TCFL5: variants seen among roughly 807,000 people sequenced by gnomAD.
TCFL5 encodes the protein transcription factor-like 5 protein.
In TCFL5, 9 loss-of-function variants were observed where a neutral mutation model predicts 44.3. That is an observed-to-expected ratio of 0.20 (90% CI 0.12 to 0.35). The LOEUF is 0.35. Among genes scored for constraint, TCFL5 ranks in the 10% least tolerant of loss-of-function variants. The pLI is 1.00. For synonymous variants in TCFL5, 319 were observed against 271.6 expected, an observed-to-expected ratio of 1.17 and a Z score of -1.72; for missense variants, 603 against 613.4, an observed-to-expected ratio of 0.98 and a Z score of 0.18.
intron 5 of TCFL5, chr20:62,846,177 AAAG>A (rs1444922066): frequency 1.2e-5 from 13 of 1,124,478 alleles, no homozygotes; most frequent in East Asian, 1.2e-4. Flanking sequence ...ATTTAAAAAA[AAAG>A]AAGGAAGGAA....
In TCFL5 at chr20:62,861,079, G is replaced by C. The variant is rs2063994904; in HGVS notation, c.592C>G (p.Pro198Ala). 3.0e-6 allele frequency: 3 copies of C among 996,328 alleles called. No homozygotes were observed. The highest frequency in any genetic ancestry group is 5.0e-4 in the Middle Eastern group (1 of 1,996). The allele number at this position is 996,328 out of a possible 1,614,324, so 61.7% of individuals were successfully genotyped here. Reference sequence around the variant, plus strand: ...TCGGGGCCGCGCGGCGCGGGCGGCGGCTCGGCGGGGATGCTGTTGAAGCGG... The same window carrying C: ...TCGGGGCCGCGCGGCGCGGGCGGCGCCTCGGCGGGGATGCTGTTGAAGCGG... Reference protein sequence around the residue: ...EDRFNSIPAEPPPAPRGPEPP... With the variant: ...EDRFNSIPAEAPPAPRGPEPP... The change falls in exon 1 of 6, where the codon CCG (proline) becomes GCG (alanine). Residue 198 changes from proline (P) to alanine (A), a missense_variant. By Grantham distance (27) the Pro-to-Ala change is conservative. Around this residue, in one of 4 missense-constraint regions of TCFL5, gnomAD observed 540 missense variants for 478.7 expected, o/e 1.13. Transcript: ENST00000335351. This position sits in a 1 kb window ranked among gnomAD's most constrained non-coding sequence, Gnocchi z 4.0.
Position 62,842,170 on chromosome 20 carries a change from G to T in TCFL5, c.1381-73C>A. On this transcript the variant is annotated intron_variant, in intron 5 of 5. Coordinates refer to ENST00000335351, the MANE Select transcript of TCFL5 (RefSeq NM_006602.4). The surrounding 1 kb of genome is among the most constrained non-coding windows in gnomAD (Gnocchi z 4.3). Reference sequence around the variant, plus strand: ...AACTGCTGTCTTCCAAAGTGCAAAAGGTTCAAATTAAGAGCTAAGTAAATG... The same window carrying T: ...AACTGCTGTCTTCCAAAGTGCAAAATGTTCAAATTAAGAGCTAAGTAAATG... 1.3e-6 allele frequency: 2 copies of T among 1,586,238 alleles called. No homozygotes were observed. Among genetic ancestry groups the T allele is most frequent in the South Asian group, 2.3e-5 (2 of 87,514 alleles).
At chr20:62,846,127 G>C (rs1371013976) in intron 5 of TCFL5, 1 of 1,276,036 alleles carries the variant, frequency 7.8e-7, no homozygotes, top group Admixed American at 2.3e-5. Context: ...CCTTAAATTG[G>C]AAGCATTCTT....
At chr20:62,860,967 G>T in intron 1 of TCFL5, 57 bp downstream of exon 1, 2 of 986,260 alleles carry the variant, frequency 2.0e-6, no homozygotes, top group South Asian at 4.5e-5. Flanking sequence ...CCCCGGCCCC[G>T]GCCCCGGCCT....
At chr20:62,850,539 G>A (rs1456718208) in intron 5 of TCFL5, among the ~76,000 whole-genome samples, 4 of 151,726 alleles carry the variant, frequency 2.6e-5, no homozygotes, top group East Asian at 1.9e-4. Flanking sequence ...CCCCAGCGCC[G>A]CCCCCTGGCA....
Position 62,861,373 on chromosome 20 carries a change from C to G in TCFL5, c.298G>C (p.Gly100Arg), listed in dbSNP as rs997384952. Residue 100 changes from glycine to arginine, a missense_variant, in exon 1 of 6, where the codon GGG becomes CGG. By Grantham distance (125) the Gly-to-Arg change is moderately radical (BLOSUM62 -2). Around this residue, in one of 4 missense-constraint regions of TCFL5, gnomAD observed 540 missense variants for 478.7 expected, o/e 1.13. Coordinates refer to ENST00000335351, the MANE Select transcript of TCFL5 (RefSeq NM_006602.4). The surrounding 1 kb of genome is among the most constrained non-coding windows in gnomAD (Gnocchi z 4.0). ...ACGGGGTACACGGGCGCCGCGCCCC[C>G]CTGACCGCCCGCCGCGAAGCCGCCC... ...GAGGFAAGGQGGAAPVYPVLC... is the reference protein window; with the variant it reads ...GAGGFAAGGQRGAAPVYPVLC... 3.8e-5 allele frequency: 41 copies of G among 1,071,680 alleles called. No individual in the cohort carries two copies. Among genetic ancestry groups the G allele is most frequent in the Non-Finnish European group, 4.3e-5 (38 of 889,800 alleles). The allele number at this position is 1,071,680 out of a possible 1,614,324, so 66.4% of individuals were successfully genotyped here.
rs1389431347 is a variant in TCFL5, at chr20:62,854,044, T to C, written c.1352A>G (p.Gln451Arg). 6.2e-7 allele frequency: 1 copy of C among 1,614,068 alleles called. No individual in the cohort carries two copies. Among genetic ancestry groups the C allele is most frequent in the Non-Finnish European group, 8.5e-7 (1 of 1,180,018 alleles). ...TTTAAGAGAATCTCCATGTCTTTCCTGGATGTATTTCAGGAATGCTGTGGT... is the reference window on the plus strand; with the variant it reads ...TTTAAGAGAATCTCCATGTCTTTCCCGGATGTATTTCAGGAATGCTGTGGT... Reference protein sequence around the residue: ...QWTTAFLKYIQERHGDSLKKE... With the variant: ...QWTTAFLKYIRERHGDSLKKE... Residue 451 changes from glutamine (Q) to arginine (R), a missense_variant, in exon 5 of 6, where the codon CAG (glutamine) becomes CGG (arginine). Coordinates refer to ENST00000335351, the MANE Select transcript of TCFL5 (RefSeq NM_006602.4).
At chr20:62,843,854 TTG>T (rs1207478412) in intron 5 of TCFL5, among the ~76,000 whole-genome samples, 1 of 152,256 alleles carries the variant, frequency 6.6e-6, no homozygotes, top group African/African-American at 2.4e-5. Flanking sequence ...GTGTGCCCTG[TTG>T]TGACTGGCTT....
chr20:62,853,358 TG>T (rs2063842169), intron 5 of TCFL5, among the ~76,000 whole-genome samples: 1 of 9,650 alleles, frequency 1.0e-4, no homozygotes, highest in Non-Finnish European at 1.9e-4. Flanking sequence ...TTGGGGTGGG[TG>T]GGGGTGGGGC....
intron 4 of TCFL5, among the ~76,000 whole-genome samples, chr20:62,855,523 T>C (rs944638221): frequency 2.0e-5 from 3 of 152,202 alleles, no homozygotes; most frequent in Non-Finnish European, 2.9e-5. Context: ...TCCCAGTACT[T>C]TGGGAGGCCG....
chr20:62,848,149 G>A (rs1005463961), intron 5 of TCFL5, among the ~76,000 whole-genome samples: 3 of 152,214 alleles, frequency 2.0e-5, no homozygotes, highest in African/African-American at 7.2e-5. Context: ...CAGCACGTGA[G>A]GGACAGCGAC....
rs550966879 is a variant in TCFL5, at chr20:62,857,704, G to A, written c.995-66C>T. On this transcript the variant is annotated intron_variant, in intron 3 of 5. Coordinates refer to ENST00000335351, the MANE Select transcript of TCFL5 (RefSeq NM_006602.4). The stretch of plus-strand genomic sequence containing the variant: ...CTTATCTCAATTAATGCTGAATACA[G>A]TTTTGGCCTTTTCAATCCAAGATAT... The A allele has an allele frequency of 7.7e-6, 12 of 1,554,828 alleles. No individual in the cohort carries two copies. The Admixed American group carries it at 1.9e-4, about 24-fold the overall frequency.
chr20:62,843,346 G>A (rs1315481133), intron 5 of TCFL5, among the ~76,000 whole-genome samples: 2 of 152,112 alleles, frequency 1.3e-5, no homozygotes, highest in African/African-American at 4.8e-5. Flanking sequence ...CTGATAATGC[G>A]GTTGTGTTTT....
At chr20:62,858,379 G>A (rs999922434) in intron 3 of TCFL5, among the ~76,000 whole-genome samples, 2 of 152,368 alleles carry the variant, frequency 1.3e-5, no homozygotes, top group South Asian at 2.1e-4. Context: ...GAATTCGGTC[G>A]TTTTGGTGAT....
Position 62,857,495 on chromosome 20 carries a change from C to T in TCFL5, c.1138G>A (p.Glu380Lys). 1.9e-6 allele frequency: 3 copies of T among 1,614,244 alleles called. No homozygotes were observed. The highest frequency in any genetic ancestry group is 2.5e-6 in the Non-Finnish European group (3 of 1,180,050). The change falls in exon 4 of 6, where the codon GAG (glutamate) becomes AAG (lysine). Residue 380 changes from glutamate (E) to lysine (K), a missense_variant. Glu to Lys is a moderately conservative substitution (Grantham distance 56). Coordinates refer to ENST00000335351, the MANE Select transcript of TCFL5 (RefSeq NM_006602.4). ...TATQGAWQSS[E>K]SSQANLGEQA... is the part of the protein sequence containing the mutation. ...TCCCCCAGGTTTGCCTGTGAGGACTCCGAGGACTGCCAAGCGCCTTGTGTG... is the reference window on the plus strand; with the variant it reads ...TCCCCCAGGTTTGCCTGTGAGGACTTCGAGGACTGCCAAGCGCCTTGTGTG...
rs757055483 is a variant in TCFL5 at position 62,857,561 on chromosome 20, C to A, written c.1072G>T (p.Ala358Ser). 1 of 1,614,256 alleles carries A rather than the reference C, an allele frequency of 6.2e-7. No individual in the cohort carries two copies. The highest frequency in any genetic ancestry group is 8.5e-7 in the Non-Finnish European group (1 of 1,180,052). The change falls in exon 4 of 6, where the codon GCC (alanine) becomes TCC (serine). Residue 358 changes from alanine to serine, a missense_variant. Around this residue, in one of 4 missense-constraint regions of TCFL5, gnomAD observed 540 missense variants for 478.7 expected, o/e 1.13. Transcript: ENST00000335351. ...RQLDTNVERR[A>S]LGEIQNVGEG... ...CCCACATTCTGAATCTCTCCAAGGG[C>A]TCTTCGCTCTACATTTGTGTCCAAC...
chr20:62,860,807 G>A (rs985954468), intron 1 of TCFL5, among the ~76,000 whole-genome samples: 1 of 152,202 alleles, frequency 6.6e-6, no homozygotes, highest in African/African-American at 2.4e-5. Context: ...CTGAGGGAGG[G>A]GGTGTTTAGT....
At chr20:62,853,352 G>A (rs1202066266) in intron 5 of TCFL5, among the ~76,000 whole-genome samples, 1 of 151,762 alleles carries the variant, frequency 6.6e-6, no homozygotes, top group Non-Finnish European at 1.5e-5. Flanking sequence ...TCTTTTTTGG[G>A]GTGGGTGGGG....
chr20:62,854,497 T>C (rs2063857921), intron 4 of TCFL5, among the ~76,000 whole-genome samples: 1 of 152,240 alleles, frequency 6.6e-6, no homozygotes, highest in South Asian at 2.1e-4. Flanking sequence ...AGCAACATTT[T>C]GTGTCTGACA....
Sources: allele counts gnomAD v4.1 joint callset (sites outside exome capture counted in the v4.1 genomes callset), GRCh38; gene constraint gnomAD v4.1.1; regional missense constraint gnomAD v4.1.1; non-coding constraint Gnocchi (gnomAD v3.1); transcripts MANE v1.5; gene names NCBI Gene and HGNC (gene_info 2026-07-23, HGNC 2026-07-21).